Variants in AGO4 observed in about 807,000 individuals in gnomAD.
AGO4 encodes the protein argonaute RISC component 4.
AGO4 carries 33 observed loss-of-function variants against 104.7 expected under a neutral mutation model. That is an observed-to-expected ratio of 0.32 (90% CI 0.24 to 0.42). The LOEUF is 0.42. Ranked by LOEUF, AGO4 falls within the 10% of genes least tolerant of loss-of-function variation. The probability of loss-of-function intolerance (pLI) is 1.00; values close to 1 mark genes in which losing one functional copy is unlikely to be tolerated. For missense variants in AGO4, 711 were observed against 1,083.4 expected (o/e 0.66, Z 4.83); for synonymous variants, 331 against 364.7 (o/e 0.91, Z 1.05).
At chr1:35,847,334 A>G (rs956773412) in intron 15 of AGO4, among the ~76,000 whole-genome samples, 61 of 152,128 alleles carry the variant, frequency 4.0e-4, no homozygotes, top group African/African-American at 1.4e-3. Context: ...CCTGGGTTCA[A>G]GTGATTCTCC....
intron 1 of AGO4, among the ~76,000 whole-genome samples, chr1:35,816,568 A>G (rs1485196664): frequency 6.6e-6 from 1 of 152,104 alleles, no homozygotes; most frequent in Non-Finnish European, 1.5e-5. Flanking sequence ...TGGGAGGCTG[A>G]GGCAGGTGGA....
Position 35,853,633 on chromosome 1 carries a change from T to A in AGO4, c.*28T>A, listed in dbSNP as rs1328255061. ...GTCTCAGAAAAAGAACTCAACCAATTTGGCACCCCATGCAGCCTCAAAATG... is the reference window on the plus strand; with the variant it reads ...GTCTCAGAAAAAGAACTCAACCAATATGGCACCCCATGCAGCCTCAAAATG... On this transcript the variant is annotated 3_prime_UTR_variant, in exon 18 of 18. Transcript: ENST00000373210. 3 of 1,602,924 alleles carry A rather than the reference T, an allele frequency of 1.9e-6. No homozygotes were observed. Among genetic ancestry groups the A allele is most frequent in the Non-Finnish European group, 2.6e-6 (3 of 1,170,682 alleles).
intron 1 of AGO4, 60 bp from the exon 2 acceptor site, chr1:35,816,811 AAAAAAAAAAAG>A: frequency 7.7e-7 from 1 of 1,293,840 alleles, no homozygotes; most frequent in East Asian, 3.0e-4. Context: ...AAAAAAAAAA[AAAAAAAAAAAG>A]AAAGAAAGAA....
intron 17 of AGO4, among the ~76,000 whole-genome samples, chr1:35,851,605 G>A (rs1438624911): frequency 6.6e-6 from 1 of 152,180 alleles, no homozygotes; most frequent in Non-Finnish European, 1.5e-5. Context: ...CAAGCTCTCT[G>A]CATTAATTTT....
chr1:35,826,612 A>G (rs948898155), intron 6 of AGO4, 136 bp from the exon 7 acceptor site: 25 of 772,824 alleles, frequency 3.2e-5, no homozygotes, highest in African/African-American at 6.9e-5. Flanking sequence ...TTTTGCCTAT[A>G]ACGATGAAAT....
Position 35,812,390 on chromosome 1 carries a change from C to T in AGO4, c.19+3955C>T, listed in dbSNP as rs547495901. On this transcript the variant is annotated intron_variant, in intron 1 of 17. Transcript: ENST00000373210. ...TTTTCTTTCAATTCTTCTGCCTCTG[C>T]CTCTTTGACATTCAAGTACTTCAGA... Among the ~76,000 whole-genome samples, 3 of 152,206 alleles carry T rather than the reference C, an allele frequency of 2.0e-5. No individual in the cohort carries two copies. In the East Asian group the frequency reaches 5.8e-4, roughly 29 times the overall value.
intron 15 of AGO4, among the ~76,000 whole-genome samples, chr1:35,845,409 G>T (rs996925405): frequency 2.6e-5 from 4 of 151,784 alleles, no homozygotes; most frequent in Non-Finnish European, 5.9e-5. Flanking sequence ...GTTTCACTAT[G>T]TTGGCCAGAC....
intron 7 of AGO4, among the ~76,000 whole-genome samples, chr1:35,829,561 C>G (rs867008070): frequency 6.6e-6 from 1 of 152,058 alleles, no homozygotes; most frequent in Admixed American, 6.6e-5. Flanking sequence ...ACGGGCTGGG[C>G]GTGGTGGCTC....
At position 35,853,576 on chromosome 1, in the gene AGO4, G is replaced by C; in HGVS notation, c.2557G>C (p.Asp853His). 1 of 1,613,988 alleles carries C rather than the reference G, an allele frequency of 6.2e-7. No homozygotes were observed. Among genetic ancestry groups the C allele is most frequent in the African/African-American group, 1.3e-5 (1 of 75,002 alleles). ...GGCTAAGGCTGTGCAAATCCACCATGATACCCAGCACACGATGTATTTTGC... is the reference window on the plus strand; with the variant it reads ...GGCTAAGGCTGTGCAAATCCACCATCATACCCAGCACACGATGTATTTTGC... ...ALAKAVQIHH[D>H]TQHTMYFA The change falls in exon 18 of 18, where the codon GAT becomes CAT. Residue 853 changes from aspartate (D) to histidine (H), a missense_variant. Physicochemically the swap from Asp to His is moderately conservative, Grantham distance 81. Transcript: ENST00000373210.
intron 6 of AGO4, 80 bp from the exon 7 acceptor site, chr1:35,826,667 AT>A: frequency 8.1e-7 from 1 of 1,227,316 alleles, no homozygotes; most frequent in Non-Finnish European, 1.2e-6. Context: ...ATGTCATGAC[AT>A]TTTGAAGACA....
chr1:35,835,889 G>C lies in AGO4; in HGVS notation c.1620G>C (p.Gln540His), dbSNP rs1233492667. 6.2e-7 allele frequency: 1 copy of C among 1,613,988 alleles called. No homozygotes were observed. Among genetic ancestry groups the C allele is most frequent in the Admixed American group, 1.7e-5 (1 of 60,008 alleles). Residue 540 changes from glutamine to histidine, a missense_variant, in exon 13 of 18, where the codon CAG (glutamine) becomes CAC (histidine). Coordinates refer to ENST00000373210, the MANE Select transcript of AGO4 (RefSeq NM_017629.4). The stretch of plus-strand genomic sequence containing the variant: ...TAGGTATGGCCACACAGTGTGTCCA[G>C]GTAAAAAATGTAGTGAAGACCTCAC... ...TLLGMATQCV[Q>H]VKNVVKTSPQ...
At chr1:35,828,634 C>T (rs1202892403) in intron 7 of AGO4, among the ~76,000 whole-genome samples, 1 of 152,122 alleles carries the variant, frequency 6.6e-6, no homozygotes, top group Admixed American at 6.5e-5. Context: ...ATTCTCCTGC[C>T]TCAACCTCCC....
chr1:35,846,969 G>A (rs1324627461), intron 15 of AGO4, among the ~76,000 whole-genome samples: 1 of 151,984 alleles, frequency 6.6e-6, no homozygotes, highest in Non-Finnish European at 1.5e-5. Context: ...GATCACTTGA[G>A]TCCAGGAGTT....
intron 1 of AGO4, among the ~76,000 whole-genome samples, chr1:35,813,205 CA>C (rs932358075): frequency 6.7e-6 from 1 of 150,154 alleles, no homozygotes; most frequent in African/African-American, 2.4e-5. Flanking sequence ...GTCAGGAGAT[CA>C]AGACCATCCT....
rs1375137249 is a variant in AGO4, at chr1:35,854,373, A to T, written c.*768A>T. 6.6e-6 allele frequency: 1 copy of T among 152,316 alleles called. No individual in the cohort carries two copies. Among genetic ancestry groups the T allele is most frequent in the Non-Finnish European group, 1.5e-5 (1 of 67,978 alleles). The allele number at this position is 152,316 out of a possible 1,614,324, so 9.4% of individuals were successfully genotyped here. On this transcript the variant is annotated 3_prime_UTR_variant, in exon 18 of 18. Coordinates refer to ENST00000373210, the MANE Select transcript of AGO4 (RefSeq NM_017629.4). ...AAGTACTCATGTTTCCCCTATTTGG[A>T]AAAAAAAATTGCTTTTAGTATTTTT...
chr1:35,854,278 CT>C lies in AGO4; in HGVS notation c.*677del, dbSNP rs1644772791. On this transcript the variant is annotated 3_prime_UTR_variant, in exon 18 of 18. Coordinates refer to ENST00000373210, the MANE Select transcript of AGO4 (RefSeq NM_017629.4). ...ATAGGCAGTTCTCTTATTTGGTCGA[CT>C]TTTGTGAATGTGTGACATAAACAGA... 6.6e-6 allele frequency: 1 copy of C among 152,548 alleles called. No individual in the cohort carries two copies. Among genetic ancestry groups the C allele is most frequent in the Non-Finnish European group, 1.5e-5 (1 of 68,028 alleles). 9.4% of individuals were successfully genotyped at this position (152,548 alleles called of 1,614,324 possible). A position where few individuals can be genotyped will look rare whatever the true frequency, so the allele number is the denominator to read the frequency against.
intron 15 of AGO4, among the ~76,000 whole-genome samples, chr1:35,843,910 C>T (rs1449396397): frequency 6.6e-6 from 1 of 152,224 alleles, no homozygotes; most frequent in Non-Finnish European, 1.5e-5. Context: ...AGTTCCAGTT[C>T]TTGGTCTACT....
At chr1:35,819,394 G>A (rs532170189) in intron 2 of AGO4, among the ~76,000 whole-genome samples, 1 of 151,902 alleles carries the variant, frequency 6.6e-6, no homozygotes, top group Non-Finnish European at 1.5e-5. Context: ...CCAGGAGTTT[G>A]CAGCAAGCTT....
At chr1:35,847,737 C>T (rs145781716) in intron 15 of AGO4, among the ~76,000 whole-genome samples, 15 of 151,818 alleles carry the variant, frequency 9.9e-5, no homozygotes, top group South Asian at 6.3e-4. Flanking sequence ...GCTTTAGTAC[C>T]GAATACAGTG....
Sources: allele counts gnomAD v4.1 joint callset (sites outside exome capture counted in the v4.1 genomes callset), GRCh38; gene constraint gnomAD v4.1.1; transcripts MANE v1.5; gene names NCBI Gene and HGNC (gene_info 2026-07-23, HGNC 2026-07-21).